HERC1: variants seen among roughly 807,000 people sequenced by gnomAD.
HERC1 encodes the protein HECT and RLD domain containing E3 ubiquitin protein ligase family member 1.
HERC1 carries 160 observed loss-of-function variants against 554.3 expected under a neutral mutation model. The ratio of observed to expected loss-of-function variants is 0.29; its 90% CI spans 0.25 to 0.33. HERC1 has a LOEUF of 0.33. HERC1 is among the 10% of genes least tolerant of loss of function. The pLI is 1.00. For missense variants in HERC1, 4,919 were observed against 5,918.5 expected (o/e 0.83, Z 5.54); for synonymous variants, 2,175 against 2,131.7 (o/e 1.02, Z -0.56).
chr15:63,786,138 T>A (rs543035204), intron 1 of HERC1, among the ~76,000 whole-genome samples: 1 of 152,208 alleles, frequency 6.6e-6, no homozygotes, highest in African/African-American at 2.4e-5. Flanking sequence ...GCAGTGTGCC[T>A]GTAGTCCCAG....
chr15:63,651,659 G>T (rs1010487465), intron 52 of HERC1, among the ~76,000 whole-genome samples: 9 of 152,194 alleles, frequency 5.9e-5, no homozygotes, highest in African/African-American at 1.9e-4. Flanking sequence ...TGTACAGATG[G>T]TTATTATTCA....
intron 53 of HERC1, 26 bp from the exon 54 acceptor site, chr15:63,649,951 T>C: frequency 6.6e-7 from 1 of 1,505,820 alleles, no homozygotes; most frequent in Non-Finnish European, 9.1e-7. Context: ...TGTTAACTAG[T>C]TTTTACTTAA....
chr15:63,624,448 G>A (rs1416319224), intron 71 of HERC1, 121 bp from the exon 72 acceptor site: 1 of 837,744 alleles, frequency 1.2e-6, no homozygotes. Context: ...TGTAGTCCCA[G>A]CACTTTGGGA....
chr15:63,705,376 C>A (rs956897021), intron 25 of HERC1, among the ~76,000 whole-genome samples: 2 of 151,878 alleles, frequency 1.3e-5, no homozygotes, highest in African/African-American at 4.8e-5. Flanking sequence ...ACTAGCCTTC[C>A]GAAGTGCTGG....
chr15:63,638,630 C>T (rs537342001), intron 62 of HERC1, 81 bp downstream of exon 62: 92 of 1,585,032 alleles, frequency 5.8e-5, no homozygotes, highest in African/African-American at 1.1e-4. Context: ...GTATGGGAGA[C>T]ACCAGGGCAC....
At chr15:63,737,321 A>G (rs1052843796) in intron 12 of HERC1, among the ~76,000 whole-genome samples, 8 of 148,440 alleles carry the variant, frequency 5.4e-5, no homozygotes, top group African/African-American at 2.0e-4. Context: ...ACAGAAAACA[A>G]TGAAGAAGAA....
In HERC1 at chr15:63,622,842, G is replaced by A. The variant is rs991126901; in HGVS notation, c.13661C>T (p.Thr4554Ile). Reference protein sequence around the residue: ...VDLLIPSPNATAEVGYNRDRF... With the variant: ...VDLLIPSPNAIAEVGYNRDRF... ...GTCCCTATTGTAACCCACTTCTGCG[G>A]TGGCATTGGGAGAGGGTATAAGAAG... is the stretch of plus-strand genomic sequence containing the variant. The change falls in exon 74 of 78, where the codon ACC becomes ATC. Residue 4554 changes from threonine (T) to isoleucine (I), a missense_variant. Physicochemically the swap from Thr to Ile is moderately conservative, Grantham distance 89. Coordinates refer to ENST00000443617, the MANE Select transcript of HERC1 (RefSeq NM_003922.4). The A allele has an allele frequency of 1.2e-6, 2 of 1,607,536 alleles. No homozygotes were observed. The highest frequency in any genetic ancestry group is 2.2e-5 in the East Asian group (1 of 44,794).
intron 74 of HERC1, among the ~76,000 whole-genome samples, chr15:63,617,651 C>T (rs1357846860): frequency 1.3e-5 from 2 of 152,162 alleles, no homozygotes; most frequent in Non-Finnish European, 2.9e-5. Context: ...CCTATTTCTC[C>T]ACATTCTCTC....
At chr15:63,738,800 C>A (rs2074659820) in intron 12 of HERC1, among the ~76,000 whole-genome samples, 1 of 152,080 alleles carries the variant, frequency 6.6e-6, no homozygotes, top group South Asian at 2.1e-4. Flanking sequence ...AAAAAGATAA[C>A]CCAAAATATA....
At chr15:63,644,948 C>G (rs368788542) in intron 57 of HERC1, 44 bp downstream of exon 57, 99 of 1,415,312 alleles carry the variant, frequency 7.0e-5, no homozygotes, top group Non-Finnish European at 9.5e-5. Context: ...ATGTCATATA[C>G]TTTCCATAGT....
chr15:63,637,483 T>C lies in HERC1; in HGVS notation c.12232+22A>G, dbSNP rs1392847528. The C allele has an allele frequency of 2.6e-6, 4 of 1,559,592 alleles. No individual in the cohort carries two copies. The East Asian group carries it at 9.4e-5, about 37-fold the overall frequency. ...CATTAGGCCTTAGGTTCTAACCATCTTTTTATTAAGGACAATTTTACCTTG... is the reference window on the plus strand; with the variant it reads ...CATTAGGCCTTAGGTTCTAACCATCCTTTTATTAAGGACAATTTTACCTTG... On this transcript the variant is annotated intron_variant, in intron 64 of 77. Transcript: ENST00000443617.
rs1199606535 is a variant in HERC1, at chr15:63,694,687, A to G, written c.5242+87T>C. ...ACCTATAAGTTTATCTACTAATGTT[A>G]AACACAAAATATAGAACATAACTAG... On this transcript the variant is annotated intron_variant, in intron 28 of 77. Transcript: ENST00000443617. The surrounding 1 kb of genome is among the most constrained non-coding windows in gnomAD (Gnocchi z 4.3). 9 of 1,561,466 alleles carry G rather than the reference A, an allele frequency of 5.8e-6. No homozygotes were observed. Among genetic ancestry groups the G allele is most frequent in the Non-Finnish European group, 7.1e-6 (8 of 1,132,834 alleles).
chr15:63,814,935 T>G (rs1466803191), intron 1 of HERC1, among the ~76,000 whole-genome samples: 1 of 152,208 alleles, frequency 6.6e-6, no homozygotes, highest in Non-Finnish European at 1.5e-5. Flanking sequence ...TTATTACAAG[T>G]TCATGAATAA....
In HERC1 at chr15:63,640,444, G is replaced by A; in HGVS notation, c.11609C>T (p.Pro3870Leu). Residue 3870 changes from proline to leucine, a missense_variant and splice_region_variant, in exon 61 of 78, where the codon CCT (proline) becomes CTT (leucine). By Grantham distance (98) the Pro-to-Leu change is moderately conservative (BLOSUM62 -3). Transcript: ENST00000443617. Reference protein sequence around the residue: ...MLQEQYAYEKPHVVCGDQLVH... With the variant: ...MLQEQYAYEKLHVVCGDQLVH... ...AAGTTGGTCACCACAAACCACATGAGGCTAAAACAAAATACAAGGATATAA... is the reference window on the plus strand; with the variant it reads ...AAGTTGGTCACCACAAACCACATGAAGCTAAAACAAAATACAAGGATATAA... 1 of 1,610,402 alleles carries A rather than the reference G, an allele frequency of 6.2e-7. No homozygotes were observed. Among genetic ancestry groups the A allele is most frequent in the Non-Finnish European group, 8.5e-7 (1 of 1,177,062 alleles).
Position 63,694,046 on chromosome 15 carries a change from G to T in HERC1, c.5592C>A (p.Phe1864Leu). The change falls in exon 30 of 78, where the codon TTC becomes TTA. Residue 1864 changes from phenylalanine (F) to leucine (L), a missense_variant. By Grantham distance (22) the Phe-to-Leu change is conservative. Transcript: ENST00000443617. The surrounding 1 kb of genome is among the most constrained non-coding windows in gnomAD (Gnocchi z 4.3). ...CACCGTCTTCTTGCTCCCCTTCTCCGAAAGAGGCCATATGTAGTACACCAG... is the reference window on the plus strand; with the variant it reads ...CACCGTCTTCTTGCTCCCCTTCTCCTAAAGAGGCCATATGTAGTACACCAG... ...SQTGVLHMAS[F>L]GEGEQEDGEE... The T allele has an allele frequency of 6.2e-7, 1 of 1,602,668 alleles. No homozygotes were observed. Among genetic ancestry groups the T allele is most frequent in the Non-Finnish European group, 8.5e-7 (1 of 1,174,170 alleles).
At chr15:63,810,800 G>C (rs1386192802) in intron 1 of HERC1, among the ~76,000 whole-genome samples, 2 of 152,144 alleles carry the variant, frequency 1.3e-5, no homozygotes, top group African/African-American at 4.8e-5. Flanking sequence ...TCTGGTGATA[G>C]TCACCACCTT....
At chr15:63,657,466 T>C (rs2152918289) in intron 48 of HERC1, among the ~76,000 whole-genome samples, 1 of 152,224 alleles carries the variant, frequency 6.6e-6, no homozygotes, top group South Asian at 2.1e-4. Context: ...TCTTAATGTG[T>C]TTTGTCCACT....
intron 51 of HERC1, among the ~76,000 whole-genome samples, chr15:63,653,809 T>C (rs1475708303): frequency 6.6e-6 from 1 of 152,240 alleles, no homozygotes; most frequent in Non-Finnish European, 1.5e-5. Context: ...GTTGAATCAA[T>C]GGATGCAGAA....
chr15:63,694,566 C>T lies in HERC1; in HGVS notation c.5243-17G>A. On this transcript the variant is annotated splice_polypyrimidine_tract_variant and intron_variant, in intron 28 of 77. Transcript: ENST00000443617. The surrounding 1 kb of genome is among the most constrained non-coding windows in gnomAD (Gnocchi z 4.3). ...GCTGGGCTTCTAAAAGACAAAGAGA[C>T]AGTTAAGAATCTTCCTTTCAGTAAA... 6.3e-7 allele frequency: 1 copy of T among 1,598,990 alleles called. No individual in the cohort carries two copies.
Sources: gnomAD v4.1 joint callset for allele counts (sites outside exome capture counted in the v4.1 genomes callset) on GRCh38, gnomAD v4.1.1 for gene constraint, Gnocchi (gnomAD v3.1) non-coding constraint, MANE v1.5 for transcripts, NCBI Gene and HGNC (gene_info 2026-07-23, HGNC 2026-07-21) for gene names.